VPS35L: variants seen among roughly 807,000 people sequenced by gnomAD.
The protein encoded by VPS35L is VPS35 endosomal protein sorting factor like.
VPS35L carries 83 observed loss-of-function variants against 133.0 expected under a neutral mutation model. The ratio of observed to expected loss-of-function variants is 0.62; its 90% CI spans 0.52 to 0.75. VPS35L has a LOEUF of 0.75. Among genes scored for constraint, VPS35L ranks in the 30% least tolerant of loss-of-function variants. The pLI, the probability that VPS35L is intolerant of heterozygous loss-of-function variation, is 0.00. For missense variants in VPS35L, 1,083 were observed against 1,206.8 expected (o/e 0.90, Z 1.52); for synonymous variants, 423 against 449.9 (o/e 0.94, Z 0.76).
At chr16:19,647,711 C>A in intron 23 of VPS35L, 73 bp from the exon 24 acceptor site, 1 of 1,136,924 alleles carries the variant, frequency 8.8e-7, no homozygotes, top group Non-Finnish European at 1.3e-6. Context: ...AATAATATTT[C>A]AGTCATACCA....
intron 8 of VPS35L, among the ~76,000 whole-genome samples, chr16:19,596,701 G>A (rs1972226820): frequency 6.6e-6 from 1 of 151,572 alleles, no homozygotes; most frequent in East Asian, 2.0e-4. Context: ...TGGTGTGTCT[G>A]TATAGTGGAG....
intron 8 of VPS35L, among the ~76,000 whole-genome samples, chr16:19,594,644 C>CAAAAAAAAAAA (rs57187565): frequency 2.2e-4 from 7 of 31,500 alleles, no homozygotes; most frequent in Admixed American, 3.9e-4. Flanking sequence ...GATTTCGTCT[C>CAAAAAAAAAAA]AAAAAAAAAA....
At chr16:19,591,098 CAT>C (rs777151316) in intron 7 of VPS35L, among the ~76,000 whole-genome samples, 6 of 152,090 alleles carry the variant, frequency 3.9e-5, no homozygotes, top group Non-Finnish European at 7.4e-5. Flanking sequence ...TCCAGAGTAA[CAT>C]GTATTCACTG....
chr16:19,605,133 A>G (rs1972501391), intron 9 of VPS35L, among the ~76,000 whole-genome samples: 1 of 152,172 alleles, frequency 6.6e-6, no homozygotes, highest in Admixed American at 6.5e-5. Context: ...AATCCCTATA[A>G]CACTGTTACG....
At chr16:19,663,669 CTTTT>C (rs59826351) in intron 26 of VPS35L, among the ~76,000 whole-genome samples, 23 of 63,916 alleles carry the variant, frequency 3.6e-4, no homozygotes, top group Middle Eastern at 0.016. Context: ...GCAGTAATTT[CTTTT>C]TTTTTTTTTT....
chr16:19,598,648 G>T (rs1261267435), intron 8 of VPS35L, among the ~76,000 whole-genome samples: 1 of 152,026 alleles, frequency 6.6e-6, no homozygotes, highest in Non-Finnish European at 1.5e-5. Context: ...GCCAGGCAAG[G>T]TGGTGTGCGC....
Position 19,559,367 on chromosome 16 carries a change from G to A in VPS35L, c.17+3621G>A, listed in dbSNP as rs138104910. ...AGCCAAGGGCTAAGCCCAGCCAATA[G>A]TGGAGGTGTGAAATGGTGGCCTTTT... On this transcript the variant is annotated intron_variant, in intron 1 of 30. Coordinates refer to ENST00000417362, the MANE Select transcript of VPS35L (RefSeq NM_020314.7). Among the ~76,000 whole-genome samples, 717 of 152,328 alleles carry A rather than the reference G, an allele frequency of 4.7e-3. 9 individuals carry two copies. Among genetic ancestry groups the A allele is most frequent in the African/African-American group, 0.016 (681 of 41,568 alleles).
Position 19,564,858 on chromosome 16 carries a change from A to G in VPS35L, c.25A>G (p.Arg9Gly). MAVFPWHS[R>G]NRNYKAEFAS... ...TGTTTCGCTGTTTACCAGGCACTCC[A>G]GGAATAGGAACTACAAAGCTGAATT... Residue 9 changes from arginine (R) to glycine (G), a missense_variant, in exon 2 of 31, where the codon AGG becomes GGG. Arg to Gly is a moderately radical substitution (Grantham distance 125). Transcript: ENST00000417362. The G allele has an allele frequency of 6.2e-7, 1 of 1,613,056 alleles. No individual in the cohort carries two copies. Among genetic ancestry groups the G allele is most frequent in the Non-Finnish European group, 8.5e-7 (1 of 1,179,268 alleles).
At chr16:19,579,403 A>C in intron 6 of VPS35L, 1 of 329,624 alleles carries the variant, frequency 3.0e-6, no homozygotes, top group Non-Finnish European at 5.6e-6. Context: ...AATGGTAAAA[A>C]CCAACTGCAA....
chr16:19,690,631 C>T (rs1219298588), intron 28 of VPS35L, among the ~76,000 whole-genome samples: 1 of 152,102 alleles, frequency 6.6e-6, no homozygotes, highest in Non-Finnish European at 1.5e-5. Flanking sequence ...CACCTCTGAG[C>T]CTCATCTCCC....
At chr16:19,656,841 C>G (rs1381888630) in intron 26 of VPS35L, among the ~76,000 whole-genome samples, 6 of 151,850 alleles carry the variant, frequency 4.0e-5, no homozygotes, top group Non-Finnish European at 7.4e-5. Flanking sequence ...ATTGGGGAAG[C>G]TGTAGGAAAC....
rs890270955 is a variant in VPS35L, at chr16:19,700,639, A to T, written c.*163A>T. 2.2e-5 allele frequency: 13 copies of T among 602,616 alleles called. No individual in the cohort carries two copies. The highest frequency in any genetic ancestry group is 4.5e-4 in the Middle Eastern group (1 of 2,208). 37.3% of individuals were successfully genotyped at this position (602,616 alleles called of 1,614,324 possible). A position where few individuals can be genotyped will look rare whatever the true frequency, so the allele number is the denominator to read the frequency against. The stretch of plus-strand genomic sequence containing the variant: ...TGGCCTCTATCCAGGTTATTCTGAC[A>T]ATGAAGAAATGGGAGTTGTCAGAGC... On this transcript the variant is annotated 3_prime_UTR_variant, in exon 31 of 31. Transcript: ENST00000417362.
chr16:19,700,589 C>A lies in VPS35L; in HGVS notation c.*113C>A. On this transcript the variant is annotated 3_prime_UTR_variant, in exon 31 of 31. Transcript: ENST00000417362. ...GTTTCTCATTTTTCTTTTCTTTTTA[C>A]ATATGTACAAATTGTTTTAAGCTTT... The A allele has an allele frequency of 4.6e-6, 4 of 870,972 alleles. No homozygotes were observed. The highest frequency in any genetic ancestry group is 7.3e-6 in the Non-Finnish European group (4 of 550,232). The allele number at this position is 870,972 out of a possible 1,614,324, so 54.0% of individuals were successfully genotyped here. A position where few individuals can be genotyped will look rare whatever the true frequency, so the allele number is the denominator to read the frequency against.
At chr16:19,589,752 C>T (rs771486701) in intron 7 of VPS35L, among the ~76,000 whole-genome samples, 5 of 152,150 alleles carry the variant, frequency 3.3e-5, no homozygotes, top group Non-Finnish European at 7.3e-5. Flanking sequence ...TTCTATGAAA[C>T]CAGCTTGGGA....
chr16:19,641,179 C>T (rs1358227840), intron 21 of VPS35L, among the ~76,000 whole-genome samples: 1 of 152,114 alleles, frequency 6.6e-6, no homozygotes, highest in Non-Finnish European at 1.5e-5. Context: ...ATTCTCCTGC[C>T]TCAGCCTCCC....
In VPS35L at chr16:19,633,361, G is replaced by A. The variant is rs1020624108; in HGVS notation, c.1635+189G>A. On this transcript the variant is annotated intron_variant, in intron 19 of 30. Transcript: ENST00000417362. The surrounding 1 kb of genome is among the most constrained non-coding windows in gnomAD (Gnocchi z 4.1). Reference sequence around the variant, plus strand: ...GTTGTGCCCCAGTTTTCTCACCTGTGAAATGGAGATAGTAATAGTGCTACC... The same window carrying A: ...GTTGTGCCCCAGTTTTCTCACCTGTAAAATGGAGATAGTAATAGTGCTACC... 6.6e-6 allele frequency among the ~76,000 whole-genome samples: 1 copy of A among 152,208 alleles called. No homozygotes were observed. The highest frequency in any genetic ancestry group is 6.5e-5 in the Admixed American group (1 of 15,280).
At chr16:19,690,238 G>A (rs1467337261) in intron 28 of VPS35L, among the ~76,000 whole-genome samples, 1 of 152,198 alleles carries the variant, frequency 6.6e-6, no homozygotes, top group Non-Finnish European at 1.5e-5. Context: ...AAAAAACAAA[G>A]TGTAAAGCAG....
In VPS35L at chr16:19,555,740, T is replaced by C. The variant is rs1970829979; in HGVS notation, c.11T>C (p.Phe4Ser). The change falls in exon 1 of 31, where the codon TTT becomes TCT. Residue 4 changes from phenylalanine to serine, a missense_variant. By Grantham distance (155) the Phe-to-Ser change is radical. Coordinates refer to ENST00000417362, the MANE Select transcript of VPS35L (RefSeq NM_020314.7). MAVFPWHSRNRNYK... is the reference protein window; with the variant it reads MAVSPWHSRNRNYK... ...CATGTGACTGGGAAGATGGCCGTCT[T>C]TCCTTGGTAAGGAAGCAGCGGCGGG... 1.3e-6 allele frequency: 2 copies of C among 1,585,120 alleles called. No individual in the cohort carries two copies. Among genetic ancestry groups the C allele is most frequent in the Non-Finnish European group, 1.7e-6 (2 of 1,165,942 alleles).
chr16:19,595,735 T>G (rs975631706), intron 8 of VPS35L, among the ~76,000 whole-genome samples: 1 of 152,232 alleles, frequency 6.6e-6, no homozygotes, highest in Non-Finnish European at 1.5e-5. Flanking sequence ...CGGGCTGTAG[T>G]GCAGATGCTG....
Sources: gnomAD v4.1 joint callset for allele counts (sites outside exome capture counted in the v4.1 genomes callset) on GRCh38, gnomAD v4.1.1 for gene constraint, Gnocchi (gnomAD v3.1) non-coding constraint, MANE v1.5 for transcripts, NCBI Gene and HGNC (gene_info 2026-07-23, HGNC 2026-07-21) for gene names.